Variants in CAMK1G observed in about 807,000 individuals in gnomAD.
The protein encoded by CAMK1G is calcium/calmodulin dependent protein kinase IG, also known as calcium/calmodulin-dependent protein kinase type 1G.
CAMK1G carries 27 observed loss-of-function variants against 54.8 expected under a neutral mutation model. That is an observed-to-expected ratio of 0.49 (90% CI 0.36 to 0.68). CAMK1G has a LOEUF of 0.68. Among genes scored for constraint, CAMK1G ranks in the 30% least tolerant of loss-of-function variants. The probability of loss-of-function intolerance (pLI) is 0.00; values close to 1 mark genes in which losing one functional copy is unlikely to be tolerated. For synonymous variants in CAMK1G, 238 were observed against 224.9 expected (o/e 1.06, Z -0.52); for missense variants, 512 against 591.0 (o/e 0.87, Z 1.39).
chr1:209,609,959 C>T (rs753238483), intron 9 of CAMK1G, 30 bp downstream of exon 9: 30 of 1,570,990 alleles, frequency 1.9e-5, no homozygotes, highest in Non-Finnish European at 1.8e-6. Flanking sequence ...GACTCTAGAC[C>T]CCAGCCCTGT....
intron 9 of CAMK1G, among the ~76,000 whole-genome samples, chr1:209,610,914 G>T (rs1314012980): frequency 1.3e-5 from 2 of 152,196 alleles, no homozygotes; most frequent in African/African-American, 4.8e-5. Flanking sequence ...AGGCTAAGGG[G>T]ATAGGAAAGG....
chr1:209,611,829 G>A lies in CAMK1G; in HGVS notation c.953G>A (p.Arg318Lys), dbSNP rs150063130. Residue 318 changes from arginine to lysine, a missense_variant, in exon 11 of 13, where the codon AGG becomes AAG. Physicochemically the swap from Arg to Lys is conservative, Grantham distance 26. This residue lies in a region of CAMK1G where 315 missense variants were observed against 330.5 expected (regional missense o/e 0.95). Transcript: ENST00000361322. ...FNAAAVVHHM[R>K]KLHMNLHSPG... ...GCAGCAGCTGTGGTGCACCACATGA[G>A]GAAGCTACACATGAACCTGCACAGC... The A allele has an allele frequency of 1.8e-5, 29 of 1,614,066 alleles. No homozygotes were observed. The Middle Eastern group carries it at 4.9e-4, about 27-fold the overall frequency.
chr1:209,594,832 T>C, intron 1 of CAMK1G, 123 bp from the exon 2 acceptor site: 7 of 606,208 alleles, frequency 1.2e-5, no homozygotes, highest in Non-Finnish European at 2.0e-5. Context: ...CCAGGTTTGC[T>C]CCTAATCCTT....
chr1:209,608,085 ACACAC>A, intron 7 of CAMK1G, 152 bp downstream of exon 7: 1 of 604,734 alleles, frequency 1.7e-6, no homozygotes, highest in Non-Finnish European at 3.0e-6. Flanking sequence ...ACACACACAC[ACACAC>A]ACACACATAC....
At chr1:209,612,276 G>A in intron 11 of CAMK1G, 60 bp downstream of exon 11, 1 of 1,566,252 alleles carries the variant, frequency 6.4e-7, no homozygotes, top group Non-Finnish European at 8.7e-7. Flanking sequence ...TCGGTCAACA[G>A]GACTGAAAGA....
intron 1 of CAMK1G, 146 bp downstream of exon 1, chr1:209,583,918 CTT>C (rs1665026192): frequency 6.6e-6 from 1 of 152,248 alleles, no homozygotes; most frequent in East Asian, 1.9e-4. Flanking sequence ...TTCCCTGACT[CTT>C]TTGGCATCAA....
chr1:209,586,438 A>G (rs776748914), intron 1 of CAMK1G, among the ~76,000 whole-genome samples: 7 of 152,154 alleles, frequency 4.6e-5, no homozygotes, highest in Admixed American at 3.3e-4. Context: ...ACGAAAAATC[A>G]TATATCTTTA....
At chr1:209,590,570 T>A (rs1665219845) in intron 1 of CAMK1G, among the ~76,000 whole-genome samples, 1 of 152,152 alleles carries the variant, frequency 6.6e-6, no homozygotes, top group Non-Finnish European at 1.5e-5. Flanking sequence ...TGAGTACAGA[T>A]CTGCTAATGA....
At chr1:209,609,534 C>T (rs1665729304) in intron 8 of CAMK1G, among the ~76,000 whole-genome samples, 1 of 152,218 alleles carries the variant, frequency 6.6e-6, no homozygotes, top group South Asian at 2.1e-4. Flanking sequence ...CACATGCGTG[C>T]CCATGTGCCA....
intron 2 of CAMK1G, among the ~76,000 whole-genome samples, chr1:209,598,598 G>A (rs993807065): frequency 2.0e-5 from 3 of 152,182 alleles, no homozygotes; most frequent in Non-Finnish European, 4.4e-5. Context: ...CCCTGAATCT[G>A]TGGTGGCATC....
At chr1:209,605,781 C>T in intron 5 of CAMK1G, 107 bp downstream of exon 5, 3 of 1,113,852 alleles carry the variant, frequency 2.7e-6, no homozygotes, top group East Asian at 2.4e-5. Flanking sequence ...GGACTAGTGA[C>T]TCCCAAGGCC....
intron 1 of CAMK1G, among the ~76,000 whole-genome samples, chr1:209,592,606 C>A (rs1482308158): frequency 1.3e-5 from 2 of 152,216 alleles, no homozygotes; most frequent in Non-Finnish European, 2.9e-5. Context: ...CAGCAGGGTC[C>A]TGGTAAGCCA....
In CAMK1G at chr1:209,585,732, G is replaced by A. The variant is rs149674672; in HGVS notation, c.-30+1960G>A. Among the ~76,000 whole-genome samples the A allele has an allele frequency of 3.4e-3, 511 of 152,322 alleles. 5 individuals carry two copies. Among genetic ancestry groups the A allele is most frequent in the African/African-American group, 0.011 (472 of 41,572 alleles). ...CCTCTAAGAGGAGAGCGCCTCCCTC[G>A]CTCCCTCTCCCCCATACACACGCAC... is the stretch of plus-strand genomic sequence containing the variant. On this transcript the variant is annotated intron_variant, in intron 1 of 12. Coordinates refer to ENST00000361322, the MANE Select transcript of CAMK1G (RefSeq NM_020439.3).
chr1:209,598,008 G>A (rs886742279), intron 2 of CAMK1G, among the ~76,000 whole-genome samples: 1 of 152,182 alleles, frequency 6.6e-6, no homozygotes, highest in Non-Finnish European at 1.5e-5. Context: ...AGATACTATT[G>A]ATACTCCCAC....
At chr1:209,585,997 C>T (rs1186155885) in intron 1 of CAMK1G, among the ~76,000 whole-genome samples, 1 of 152,222 alleles carries the variant, frequency 6.6e-6, no homozygotes, top group African/African-American at 2.4e-5. Context: ...CAGGGGACTG[C>T]ACGGACTATC....
chr1:209,608,280 C>A (rs924723872), intron 7 of CAMK1G, among the ~76,000 whole-genome samples: 1 of 152,174 alleles, frequency 6.6e-6, no homozygotes, highest in African/African-American at 2.4e-5. Context: ...AAGAGAGAGG[C>A]CAAGCCAGGC....
At chr1:209,610,925 G>A (rs1373194511) in intron 9 of CAMK1G, among the ~76,000 whole-genome samples, 1 of 152,198 alleles carries the variant, frequency 6.6e-6, no homozygotes, top group African/African-American at 2.4e-5. Context: ...ATAGGAAAGG[G>A]GCAGCCTGTA....
At chr1:209,612,981 T>C in intron 12 of CAMK1G, 59 bp from the exon 13 acceptor site, 1 of 833,976 alleles carries the variant, frequency 1.2e-6, no homozygotes, top group Non-Finnish European at 2.0e-6. Flanking sequence ...TGCCAGAGTG[T>C]GAGTGATGGG....
At chr1:209,587,241 A>C (rs911701938) in intron 1 of CAMK1G, among the ~76,000 whole-genome samples, 5 of 152,020 alleles carry the variant, frequency 3.3e-5, no homozygotes, top group African/African-American at 9.7e-5. Context: ...CCATTCACCT[A>C]TGACACCACA....
Sources: gnomAD v4.1 joint callset for allele counts (sites outside exome capture counted in the v4.1 genomes callset) on GRCh38, gnomAD v4.1.1 for gene constraint, gnomAD v4.1.1 regional missense constraint, MANE v1.5 for transcripts, NCBI Gene and HGNC (gene_info 2026-07-23, HGNC 2026-07-21) for gene names.